WDR27: variants seen among roughly 807,000 people sequenced by gnomAD.
WDR27 encodes the protein WD repeat-containing protein 27.
WDR27 carries 100 observed loss-of-function variants against 114.4 expected under a neutral mutation model. The ratio of observed to expected loss-of-function variants is 0.87; its 90% CI spans 0.74 to 1.03. The LOEUF is 1.03. Among genes scored for constraint, WDR27 ranks in the 50% least tolerant of loss-of-function variants. WDR27 has a pLI of 0.00. For missense variants in WDR27, 1,129 were observed against 1,092.9 expected (o/e 1.03, Z -0.47); for synonymous variants, 449 against 423.1 (o/e 1.06, Z -0.75).
chr6:169,467,276 T>C (rs1785714610), intron 25 of WDR27, among the ~76,000 whole-genome samples: 1 of 152,166 alleles, frequency 6.6e-6, no homozygotes, highest in Non-Finnish European at 1.5e-5. Flanking sequence ...TCTACCATTC[T>C]GGGGTCTGGA....
At chr6:169,610,304 A>C (rs1044702719) in intron 22 of WDR27, among the ~76,000 whole-genome samples, 9 of 152,228 alleles carry the variant, frequency 5.9e-5, no homozygotes, top group African/African-American at 1.9e-4. Flanking sequence ...TGCACTGCTG[A>C]TAAAGACATA....
chr6:169,491,972 A>G (rs991133242), intron 25 of WDR27, among the ~76,000 whole-genome samples: 1 of 152,234 alleles, frequency 6.6e-6, no homozygotes, highest in African/African-American at 2.4e-5. Flanking sequence ...CTATAAATTA[A>G]AATTGTAAAA....
At chr6:169,513,718 T>A (rs1793238022) in intron 25 of WDR27, among the ~76,000 whole-genome samples, 1 of 148,990 alleles carries the variant, frequency 6.7e-6, no homozygotes, top group African/African-American at 2.4e-5. Flanking sequence ...ATAAACAATG[T>A]GTTTATTTAT....
chr6:169,624,424 GTC>G (rs1814257610), intron 21 of WDR27, among the ~76,000 whole-genome samples: 1 of 152,136 alleles, frequency 6.6e-6, no homozygotes, highest in Non-Finnish European at 1.5e-5. Flanking sequence ...CCCCTCATGC[GTC>G]TCTCTCAAGC....
intron 17 of WDR27, 139 bp downstream of exon 17, chr6:169,643,558 T>A: frequency 6.2e-6 from 4 of 644,746 alleles, no homozygotes; most frequent in Non-Finnish European, 1.1e-5. Flanking sequence ...GTAAATCTAG[T>A]TTAGACTCCA....
intron 23 of WDR27, among the ~76,000 whole-genome samples, chr6:169,587,514 C>T (rs558729904): frequency 7.6e-4 from 116 of 152,270 alleles, no homozygotes; most frequent in Non-Finnish European, 1.3e-3. Flanking sequence ...CCACTGCGCC[C>T]GGCCCTCAAT....
chr6:169,453,878 C>T (rs545987196), downstream of WDR27, among the ~76,000 whole-genome samples: 2 of 152,338 alleles, frequency 1.3e-5, no homozygotes, highest in South Asian at 2.1e-4. Flanking sequence ...AGATCACCAA[C>T]ATTAACTGTC....
rs553451036 is a variant in WDR27 at position 169,576,274 on chromosome 6, T to C, written c.2524-3734A>G. Among the ~76,000 whole-genome samples, 7 of 152,322 alleles carry C rather than the reference T, an allele frequency of 4.6e-5. No homozygotes were observed. The East Asian group carries it at 1.2e-3, about 25-fold the overall frequency. Reference sequence around the variant, plus strand: ...GTGGGCATGACCATGGGGTATGGGATGGTGGCCAGCCTCCACCTTGCCCCA... The same window carrying C: ...GTGGGCATGACCATGGGGTATGGGACGGTGGCCAGCCTCCACCTTGCCCCA... On this transcript the variant is annotated intron_variant, in intron 24 of 25. Transcript: ENST00000448612.
intron 25 of WDR27, among the ~76,000 whole-genome samples, chr6:169,494,183 G>T (rs1790122957): frequency 6.6e-6 from 1 of 152,148 alleles, no homozygotes; most frequent in African/African-American, 2.4e-5. Context: ...TGTTTTTGAT[G>T]AGATTATTTG....
intron 23 of WDR27, among the ~76,000 whole-genome samples, chr6:169,597,079 C>T (rs949154081): frequency 4.6e-5 from 7 of 152,170 alleles, no homozygotes; most frequent in Admixed American, 6.5e-5. Context: ...CCAAAGTCTA[C>T]TTTACACTAA....
intron 25 of WDR27, among the ~76,000 whole-genome samples, chr6:169,553,793 G>A (rs746093894): frequency 7.9e-5 from 12 of 152,246 alleles, no homozygotes; most frequent in South Asian, 4.1e-4. Context: ...GGACGTTACC[G>A]TTCACATGTT....
chr6:169,487,447 C>T (rs1789083856), intron 25 of WDR27, among the ~76,000 whole-genome samples: 1 of 152,136 alleles, frequency 6.6e-6, no homozygotes, highest in Admixed American at 6.5e-5. Flanking sequence ...TGCGTGCTCA[C>T]CCTGGCTTCA....
At chr6:169,688,042 T>C (rs1290173370) in intron 2 of WDR27, among the ~76,000 whole-genome samples, 1 of 152,192 alleles carries the variant, frequency 6.6e-6, no homozygotes, top group Non-Finnish European at 1.5e-5. Flanking sequence ...CTTACATAAG[T>C]AGAATGTAAT....
chr6:169,490,127 G>C (rs1056568998), intron 25 of WDR27, among the ~76,000 whole-genome samples: 1 of 152,142 alleles, frequency 6.6e-6, no homozygotes, highest in Non-Finnish European at 1.5e-5. Context: ...AAGGGTCCAC[G>C]GCATATTTCT....
At chr6:169,647,594 G>A (rs1821119222) in intron 16 of WDR27, 179 bp downstream of exon 16, 3 of 691,988 alleles carry the variant, frequency 4.3e-6, no homozygotes, top group East Asian at 5.4e-5. Context: ...CCTCACTACA[G>A]TCGAGTGAAA....
chr6:169,650,767 A>C (rs535457502), intron 14 of WDR27, among the ~76,000 whole-genome samples: 147 of 138,434 alleles, frequency 1.1e-3, no homozygotes, highest in African/African-American at 3.9e-3. Flanking sequence ...CCATCTATCC[A>C]CTTATTCATC....
At chr6:169,672,058 A>ATGGCC (rs1316519627) in intron 3 of WDR27, 197 bp downstream of exon 3, 4 of 487,402 alleles carry the variant, frequency 8.2e-6, no homozygotes, top group Non-Finnish European at 1.4e-5. Context: ...GTAAGTCTGA[A>ATGGCC]TGGCCTGGGG....
chr6:169,649,811 A>C, intron 14 of WDR27, among the ~76,000 whole-genome samples: 1 of 109,750 alleles, frequency 9.1e-6, no homozygotes, highest in African/African-American at 3.6e-5. Context: ...CTCGCCATCC[A>C]TCCCTCACAC....
intron 23 of WDR27, among the ~76,000 whole-genome samples, chr6:169,595,424 T>C (rs1446886241): frequency 6.6e-6 from 1 of 152,188 alleles, no homozygotes; most frequent in Non-Finnish European, 1.5e-5. Context: ...CTATGCCCAA[T>C]AGTGAGGTTG....
Sources: allele counts gnomAD v4.1 joint callset (sites outside exome capture counted in the v4.1 genomes callset), GRCh38; gene constraint gnomAD v4.1.1; transcripts MANE v1.5; gene names NCBI Gene and HGNC (gene_info 2026-07-23, HGNC 2026-07-21).